FBXW2: variants seen among roughly 807,000 people sequenced by gnomAD.
The protein encoded by FBXW2 is F-box and WD repeat domain containing 2.
Under a neutral mutation model 46.0 loss-of-function variants are expected in FBXW2, and 12 were observed. The ratio of observed to expected loss-of-function variants is 0.26; its 90% CI spans 0.17 to 0.42. The LOEUF (loss-of-function observed/expected upper bound fraction) is 0.42, where lower values mean the gene tolerates loss of function less well. Among genes scored for constraint, FBXW2 ranks in the 10% least tolerant of loss-of-function variants. The pLI, the probability that FBXW2 is intolerant of heterozygous loss-of-function variation, is 1.00. For missense variants in FBXW2, 360 were observed against 537.0 expected, an observed-to-expected ratio of 0.67 and a Z score of 3.26; for synonymous variants, 203 against 209.6, an observed-to-expected ratio of 0.97 and a Z score of 0.27.
chr9:120,775,198 T>C (rs964430539), intron 5 of FBXW2, among the ~76,000 whole-genome samples: 1 of 152,132 alleles, frequency 6.6e-6, no homozygotes, highest in Non-Finnish European at 1.5e-5. Flanking sequence ...TAGCTGGGAT[T>C]ACGCCTGGCT....
At chr9:120,786,018 CAAAAAAAAAAA>C (rs3047150) in intron 3 of FBXW2, among the ~76,000 whole-genome samples, 2 of 40,548 alleles carry the variant, frequency 4.9e-5, no homozygotes, top group Non-Finnish European at 9.2e-5. Flanking sequence ...GACTCCATCT[CAAAAAAAAAAA>C]AAAAAAAAAA....
At chr9:120,774,936 G>A (rs1005295269) in intron 5 of FBXW2, among the ~76,000 whole-genome samples, 11 of 152,014 alleles carry the variant, frequency 7.2e-5, no homozygotes, top group African/African-American at 2.7e-4. Flanking sequence ...CCACCCGCTG[G>A]GCCCGTGCAT....
rs1284958958 is a variant in FBXW2 at position 120,758,527 on chromosome 9, G to A, written c.*6032C>T. On this transcript the variant is annotated 3_prime_UTR_variant, in exon 8 of 8. Coordinates refer to ENST00000608872, the MANE Select transcript of FBXW2 (RefSeq NM_012164.4). ...AAGACAGGTTGAACAGTGCACACAA[G>A]TGGTGAAGGCAGAAGGCAGCAGTCG... The A allele has an allele frequency of 2.6e-5, 4 of 152,242 alleles. No individual in the cohort carries two copies. Among genetic ancestry groups the A allele is most frequent in the African/African-American group, 9.7e-5 (4 of 41,406 alleles). 9.4% of individuals were successfully genotyped at this position (152,242 alleles called of 1,614,324 possible).
At chr9:120,773,655 C>G (rs2044428043) in intron 5 of FBXW2, among the ~76,000 whole-genome samples, 2 of 152,190 alleles carry the variant, frequency 1.3e-5, no homozygotes, top group African/African-American at 4.8e-5. Flanking sequence ...AAGCAGGGTT[C>G]ACTCATTCAG....
At chr9:120,765,527 T>G (rs2044260815) in intron 7 of FBXW2, among the ~76,000 whole-genome samples, 1 of 152,174 alleles carries the variant, frequency 6.6e-6, no homozygotes, top group Non-Finnish European at 1.5e-5. Flanking sequence ...TGGCTAAGGA[T>G]TCACAATTTG....
intron 5 of FBXW2, among the ~76,000 whole-genome samples, chr9:120,773,173 C>G (rs2131310628): frequency 6.8e-6 from 1 of 147,036 alleles, no homozygotes. Flanking sequence ...GGCAACAGAG[C>G]AAGACCACAA....
At chr9:120,787,685 C>A in intron 3 of FBXW2, 84 bp downstream of exon 3, 1 of 1,426,970 alleles carries the variant, frequency 7.0e-7, no homozygotes, top group South Asian at 1.4e-5. Flanking sequence ...CAACACTTGT[C>A]ATTCTCAAAG....
Position 120,762,914 on chromosome 9 carries a change from C to G in FBXW2, c.*1645G>C, listed in dbSNP as rs1210884395. On this transcript the variant is annotated 3_prime_UTR_variant, in exon 8 of 8. Coordinates refer to ENST00000608872, the MANE Select transcript of FBXW2 (RefSeq NM_012164.4). ...ACAAGGGGAGACAGCTGAAGAGCGGCTGAGATTTTTCTACTGCTTGCTCCC... is the reference window on the plus strand; with the variant it reads ...ACAAGGGGAGACAGCTGAAGAGCGGGTGAGATTTTTCTACTGCTTGCTCCC... The G allele has an allele frequency of 6.6e-6, 1 of 152,180 alleles. No individual in the cohort carries two copies. The highest frequency in any genetic ancestry group is 1.5e-5 in the Non-Finnish European group (1 of 68,038). 9.4% of individuals were successfully genotyped at this position (152,180 alleles called of 1,614,324 possible).
chr9:120,784,220 G>T (rs1313414131), intron 3 of FBXW2, among the ~76,000 whole-genome samples: 1 of 151,998 alleles, frequency 6.6e-6, no homozygotes, highest in African/African-American at 2.4e-5. Context: ...GGTAGTTAGA[G>T]AATTCAGTGA....
Position 120,761,334 on chromosome 9 carries a change from C to T in FBXW2, c.*3225G>A, listed in dbSNP as rs1237629986. 6.6e-6 allele frequency: 1 copy of T among 152,202 alleles called. No individual in the cohort carries two copies. Among genetic ancestry groups the T allele is most frequent in the African/African-American group, 2.4e-5 (1 of 41,446 alleles). The allele number at this position is 152,202 out of a possible 1,614,324, so 9.4% of individuals were successfully genotyped here. A position where few individuals can be genotyped will look rare whatever the true frequency, so the allele number is the denominator to read the frequency against. On this transcript the variant is annotated 3_prime_UTR_variant, in exon 8 of 8. Coordinates refer to ENST00000608872, the MANE Select transcript of FBXW2 (RefSeq NM_012164.4). ...ACCTGAAAGAAGCCGCTGGCTTCCACCACACCACAGTGTCACCCAAGAAAT... is the reference window on the plus strand; with the variant it reads ...ACCTGAAAGAAGCCGCTGGCTTCCATCACACCACAGTGTCACCCAAGAAAT...
intron 4 of FBXW2, 139 bp downstream of exon 4, chr9:120,778,212 G>T: frequency 1.2e-6 from 1 of 807,656 alleles, no homozygotes; most frequent in East Asian, 2.7e-5. Context: ...CTAGAATAAA[G>T]GGAAATAACT....
In FBXW2 at chr9:120,792,948, C is replaced by G. The variant is rs1423069809; in HGVS notation, c.-21+201G>C. 9 of 1,533,380 alleles carry G rather than the reference C, an allele frequency of 5.9e-6. No homozygotes were observed. The East Asian group carries it at 1.5e-4, about 25-fold the overall frequency. The allele number at this position is 1,533,380 out of a possible 1,614,324, so 95.0% of individuals were successfully genotyped here. The stretch of plus-strand genomic sequence containing the variant: ...TAGCGCTTTGTACTTCATAAACCAC[C>G]TCATCACACTTCATCGTCTTTCAAA... On this transcript the variant is annotated intron_variant, in intron 2 of 7. Coordinates refer to ENST00000608872, the MANE Select transcript of FBXW2 (RefSeq NM_012164.4).
At chr9:120,777,235 T>C (rs1434991048) in intron 4 of FBXW2, among the ~76,000 whole-genome samples, 2 of 152,228 alleles carry the variant, frequency 1.3e-5, no homozygotes, top group Non-Finnish European at 2.9e-5. Context: ...ATTTAACATA[T>C]ACTTCCATGC....
At chr9:120,775,995 T>C (rs2044485686) in intron 5 of FBXW2, 98 bp downstream of exon 5, 1 of 1,447,166 alleles carries the variant, frequency 6.9e-7, no homozygotes. Context: ...CAATTCCATC[T>C]TATGACTCAC....
chr9:120,785,967 C>T (rs533885806), intron 3 of FBXW2, among the ~76,000 whole-genome samples: 14 of 133,490 alleles, frequency 1.0e-4, no homozygotes, highest in Admixed American at 5.6e-4. Flanking sequence ...TGCAGTGAGC[C>T]GAGATTGCAC....
At chr9:120,786,512 A>G (rs1332947269) in intron 3 of FBXW2, among the ~76,000 whole-genome samples, 1 of 152,166 alleles carries the variant, frequency 6.6e-6, no homozygotes, top group Non-Finnish European at 1.5e-5. Context: ...TTCATAAATT[A>G]CCCGGTCTTA....
intron 7 of FBXW2, among the ~76,000 whole-genome samples, chr9:120,767,138 C>T (rs959850206): frequency 6.6e-6 from 1 of 152,034 alleles, no homozygotes; most frequent in African/African-American, 2.4e-5. Context: ...AGATAGAATA[C>T]GGAAAGCCTG....
chr9:120,771,374 C>T lies in FBXW2; in HGVS notation c.1050G>A (p.Trp350Ter). 6.2e-7 allele frequency: 1 copy of T among 1,610,502 alleles called. No homozygotes were observed. Among genetic ancestry groups the T allele is most frequent in the Non-Finnish European group, 8.5e-7 (1 of 1,179,034 alleles). ...VCSSALGLYQWDFASYDILRV... is the reference protein window; with the variant it reads ...VCSSALGLYQ ...TGAGAATATCATAACTGGCAAAGTC[C>T]CACTGGTAGAGACCAAGTGCTGAAC... Residue 350 changes from tryptophan (W) to a stop codon, truncating the protein, a stop_gained, in exon 7 of 8, where the codon TGG (tryptophan) becomes TGA (stop). Transcript: ENST00000608872. LOFTEE classifies it high-confidence loss of function.
At chr9:120,786,194 C>T (rs1304411949) in intron 3 of FBXW2, among the ~76,000 whole-genome samples, 2 of 152,116 alleles carry the variant, frequency 1.3e-5, no homozygotes, top group Non-Finnish European at 2.9e-5. Flanking sequence ...GCTTTGTGTC[C>T]TCACCCAAAC....
Sources: gnomAD v4.1 joint callset for allele counts (sites outside exome capture counted in the v4.1 genomes callset) on GRCh38, gnomAD v4.1.1 for gene constraint, MANE v1.5 for transcripts, NCBI Gene and HGNC (gene_info 2026-07-23, HGNC 2026-07-21) for gene names.